The following NAMPT variants were observed in gnomAD, a reference collection of about 807,000 sequenced individuals.
NAMPT encodes the protein nicotinamide phosphoribosyltransferase.
Under a neutral mutation model 58.7 loss-of-function variants are expected in NAMPT, and 7 were observed. The ratio of observed to expected loss-of-function variants is 0.12; its 90% CI spans 0.07 to 0.22. The LOEUF (loss-of-function observed/expected upper bound fraction) is 0.22, where lower values mean the gene tolerates loss of function less well. NAMPT is among the 10% of genes least tolerant of loss of function. The probability of loss-of-function intolerance (pLI) is 1.00; values close to 1 mark genes in which losing one functional copy is unlikely to be tolerated. For synonymous variants in NAMPT, 145 were observed against 198.1 expected (o/e 0.73, Z 2.25); for missense variants, 271 against 567.9 (o/e 0.48, Z 5.31).
chr7:106,255,163 C>T (rs1051438684), intron 8 of NAMPT, among the ~76,000 whole-genome samples: 1 of 152,128 alleles, frequency 6.6e-6, no homozygotes, highest in Non-Finnish European at 1.5e-5. Context: ...CTAGAGAGAC[C>T]TGTATGAACA....
chr7:106,258,660 G>C (rs961404173), intron 8 of NAMPT, among the ~76,000 whole-genome samples: 3 of 152,166 alleles, frequency 2.0e-5, no homozygotes, highest in African/African-American at 7.2e-5. Flanking sequence ...GCATATAAAA[G>C]TTATGTTTAT....
chr7:106,253,177 A>T lies in NAMPT; in HGVS notation c.1231-26T>A, dbSNP rs776523613. 2.5e-6 allele frequency: 4 copies of T among 1,608,242 alleles called. No individual in the cohort carries two copies. The Middle Eastern group carries it at 5.0e-4, about 200-fold the overall frequency. On this transcript the variant is annotated intron_variant, in intron 9 of 10. Coordinates refer to ENST00000222553, the MANE Select transcript of NAMPT (RefSeq NM_005746.3). Reference sequence around the variant, plus strand: ...CTGAAATCCAAATTAAGAAAGTTAGACAAGTAGAAGACTAATCATCAGAAA... The same window carrying T: ...CTGAAATCCAAATTAAGAAAGTTAGTCAAGTAGAAGACTAATCATCAGAAA...
chr7:106,258,534 A>G (rs1792249283), intron 8 of NAMPT, among the ~76,000 whole-genome samples: 1 of 152,196 alleles, frequency 6.6e-6, no homozygotes, highest in South Asian at 2.1e-4. Context: ...TAAGAACCTT[A>G]TTTAGTAAAC....
chr7:106,271,408 G>A (rs1586022447), intron 4 of NAMPT, among the ~76,000 whole-genome samples: 1 of 152,012 alleles, frequency 6.6e-6, no homozygotes, highest in African/African-American at 2.4e-5. Context: ...GATATTAGTG[G>A]TTAGTTCAGA....
intron 8 of NAMPT, among the ~76,000 whole-genome samples, chr7:106,257,157 G>A (rs1450529741): frequency 1.3e-5 from 2 of 150,870 alleles, no homozygotes; most frequent in African/African-American, 4.9e-5. Context: ...AAAAAAAAAA[G>A]AGAAAAAGAT....
intron 1 of NAMPT, among the ~76,000 whole-genome samples, chr7:106,281,221 T>TA (rs1167549187): frequency 2.6e-5 from 4 of 151,968 alleles, no homozygotes; most frequent in East Asian, 3.9e-4. Context: ...ACAGTTTTTT[T>TA]AAAAAAGTAT....
intron 5 of NAMPT, 103 bp from the exon 6 acceptor site, chr7:106,268,703 T>A: frequency 2.5e-6 from 2 of 789,208 alleles, no homozygotes; most frequent in Middle Eastern, 2.3e-4. Context: ...ATAGCTCCCA[T>A]AAGAATTGTC....
intron 1 of NAMPT, among the ~76,000 whole-genome samples, chr7:106,283,288 T>C (rs565716659): frequency 1.3e-5 from 2 of 152,296 alleles, no homozygotes; most frequent in African/African-American, 4.8e-5. Flanking sequence ...GATAATTCAC[T>C]ATTCTAACTA....
chr7:106,261,422 T>A, intron 8 of NAMPT, 166 bp downstream of exon 8: 1 of 556,178 alleles, frequency 1.8e-6, no homozygotes, highest in South Asian at 3.7e-5. Context: ...CACCTCTGTA[T>A]TTTAAACTAC....
intron 3 of NAMPT, among the ~76,000 whole-genome samples, chr7:106,273,989 G>T (rs2115805527): frequency 6.6e-6 from 1 of 151,874 alleles, no homozygotes; most frequent in Non-Finnish European, 1.5e-5. Context: ...TACGCCAACA[G>T]ATTCCATTCC....
chr7:106,257,464 TAAAAAAAA>T (rs58198836), intron 8 of NAMPT, among the ~76,000 whole-genome samples: 2 of 125,700 alleles, frequency 1.6e-5, no homozygotes, highest in Non-Finnish European at 3.3e-5. Flanking sequence ...TACAAAACAT[TAAAAAAAA>T]AAAAAAAAAA....
chr7:106,265,356 C>G (rs1260903882), intron 6 of NAMPT, among the ~76,000 whole-genome samples: 1 of 152,068 alleles, frequency 6.6e-6, no homozygotes, highest in Admixed American at 6.6e-5. Context: ...CTCCATGACA[C>G]CTGAATTTTC....
chr7:106,283,725 G>C (rs777705835), intron 1 of NAMPT, among the ~76,000 whole-genome samples: 7 of 151,848 alleles, frequency 4.6e-5, no homozygotes, highest in Non-Finnish European at 1.0e-4. Flanking sequence ...TCGATTTCAA[G>C]AACCTATCTA....
At chr7:106,274,032 C>T (rs964936758) in intron 3 of NAMPT, among the ~76,000 whole-genome samples, 6 of 151,294 alleles carry the variant, frequency 4.0e-5, no homozygotes, top group East Asian at 1.9e-4. Flanking sequence ...GAAACCACCA[C>T]GGGATATTTA....
At chr7:106,276,935 T>C in intron 2 of NAMPT, 88 bp downstream of exon 2, 1 of 1,076,802 alleles carries the variant, frequency 9.3e-7, no homozygotes, top group Non-Finnish European at 1.4e-6. Flanking sequence ...TGCATCCAAA[T>C]TAACAGATTT....
chr7:106,253,157 A>G lies in NAMPT; in HGVS notation c.1231-6T>C, dbSNP rs759938299. On this transcript the variant is annotated splice_polypyrimidine_tract_variant and splice_region_variant and intron_variant, in intron 9 of 10. Transcript: ENST00000222553. ...GGGTCCTTGAAGACGTTAATCTGAA[A>G]TCCAAATTAAGAAAGTTAGACAAGT... The G allele has an allele frequency of 6.2e-7, 1 of 1,610,320 alleles. No homozygotes were observed. Among genetic ancestry groups the G allele is most frequent in the Non-Finnish European group, 8.5e-7 (1 of 1,178,456 alleles).
chr7:106,274,293 T>C (rs1473133226), intron 3 of NAMPT, among the ~76,000 whole-genome samples: 6 of 151,922 alleles, frequency 3.9e-5, no homozygotes, highest in Non-Finnish European at 5.9e-5. Context: ...TTCCTACCTA[T>C]AGTGTATTTT....
At chr7:106,269,451 G>GC in intron 4 of NAMPT, 139 bp from the exon 5 acceptor site, 1 of 751,982 alleles carries the variant, frequency 1.3e-6, no homozygotes, top group Non-Finnish European at 2.1e-6. Flanking sequence ...TGCGCAGCAG[G>GC]ATGCCTGCTG....
rs767872084 is a variant in NAMPT at position 106,267,866 on chromosome 7, A to AAAAAAAAAAAAC, written c.743+597_743+598insGTTTTTTTTTTT. On this transcript the variant is annotated intron_variant, in intron 6 of 10. Coordinates refer to ENST00000222553, the MANE Select transcript of NAMPT (RefSeq NM_005746.3). ...AAAAAAAAAAAAAAAAAAAAAAAAA[A>AAAAAAAAAAAAC]AAAAAAAAAACAACCTGATTTACTT... is the stretch of plus-strand genomic sequence containing the variant. 4.0e-4 allele frequency among the ~76,000 whole-genome samples: 54 copies of AAAAAAAAAAAAC among 133,560 alleles called. 4 individuals are homozygous for AAAAAAAAAAAAC. Among genetic ancestry groups the AAAAAAAAAAAAC allele is most frequent in the Middle Eastern group, 3.6e-3 (1 of 280 alleles). 87.6% of individuals were successfully genotyped at this position (133,560 alleles called of 152,430 possible). A position where few individuals can be genotyped will look rare whatever the true frequency, so the allele number is the denominator to read the frequency against.
Sources: allele counts gnomAD v4.1 joint callset (sites outside exome capture counted in the v4.1 genomes callset), GRCh38; gene constraint gnomAD v4.1.1; transcripts MANE v1.5; gene names NCBI Gene and HGNC (gene_info 2026-07-23, HGNC 2026-07-21).